Variants in CAMK2B observed in about 807,000 individuals in gnomAD.
CAMK2B encodes calcium/calmodulin-dependent protein kinase type II subunit beta.
Under a neutral mutation model 93.7 loss-of-function variants are expected in CAMK2B, and 27 were observed. That is an observed-to-expected ratio of 0.29 (90% CI 0.21 to 0.40). The LOEUF is 0.40. Ranked by LOEUF, CAMK2B falls within the 10% of genes least tolerant of loss-of-function variation. The probability of loss-of-function intolerance (pLI) is 1.00; values close to 1 mark genes in which losing one functional copy is unlikely to be tolerated. For synonymous variants in CAMK2B, 374 were observed against 358.8 expected (o/e 1.04, Z -0.48); for missense variants, 568 against 895.8 (o/e 0.63, Z 4.67).
intron 3 of CAMK2B, among the ~76,000 whole-genome samples, chr7:44,262,549 C>T (rs977341012): frequency 6.6e-6 from 1 of 152,208 alleles, no homozygotes; most frequent in Admixed American, 6.5e-5. Context: ...CATCTTGTGG[C>T]TTTTCTTGAG....
chr7:44,237,597 G>C (rs2096638571), intron 13 of CAMK2B, among the ~76,000 whole-genome samples: 1 of 152,196 alleles, frequency 6.6e-6, no homozygotes, highest in African/African-American at 2.4e-5. Flanking sequence ...ACCATTTTTT[G>C]GGGGGCTGCT....
chr7:44,219,344 G>GTTTTTTTTTTTT lies in CAMK2B; in HGVS notation c.*169_*180dup, dbSNP rs59312365. 8 of 35,184 alleles carry GTTTTTTTTTTTT rather than the reference G, an allele frequency of 2.3e-4. No homozygotes were observed. Among genetic ancestry groups the GTTTTTTTTTTTT allele is most frequent in the African/African-American group, 3.1e-4 (3 of 9,578 alleles). The allele number at this position is 35,184 out of a possible 1,614,324, so 2.2% of individuals were successfully genotyped here. A position where few individuals can be genotyped will look rare whatever the true frequency, so the allele number is the denominator to read the frequency against. On this transcript the variant is annotated 3_prime_UTR_variant, in exon 24 of 24. Coordinates refer to ENST00000395749, the MANE Select transcript of CAMK2B (RefSeq NM_001220.5). ...TTTTTGTGGTTGTCGTCGTCATCTT[G>GTTTTTTTTTTTT]TTTTTTTTTTTTTTTTTTTTGTTTT...
At position 44,299,043 on chromosome 7, in the gene CAMK2B, G is replaced by A. The variant is rs1286376807; in HGVS notation, c.66-14818C>T. 5.3e-5 allele frequency among the ~76,000 whole-genome samples: 8 copies of A among 152,054 alleles called. No homozygotes were observed. The South Asian group carries it at 8.3e-4, about 16-fold the overall frequency. Reference sequence around the variant, plus strand: ...TATGATCCAGCAATTCCACTCCAAGGTGGATCCAAAAAAAATGTAAAGCAG... The same window carrying A: ...TATGATCCAGCAATTCCACTCCAAGATGGATCCAAAAAAAATGTAAAGCAG... On this transcript the variant is annotated intron_variant, in intron 1 of 23. Coordinates refer to ENST00000395749, the MANE Select transcript of CAMK2B (RefSeq NM_001220.5).
chr7:44,250,833 A>G (rs1300702330), intron 5 of CAMK2B, among the ~76,000 whole-genome samples: 2 of 152,016 alleles, frequency 1.3e-5, no homozygotes, highest in Non-Finnish European at 2.9e-5. Context: ...TGGCCACCAC[A>G]TTGCTTTTTA....
At chr7:44,316,087 A>T (rs1368193695) in intron 1 of CAMK2B, among the ~76,000 whole-genome samples, 1 of 152,122 alleles carries the variant, frequency 6.6e-6, no homozygotes, top group African/African-American at 2.4e-5. Flanking sequence ...AATCTCCTAT[A>T]CCGTGCTGCC....
intron 3 of CAMK2B, among the ~76,000 whole-genome samples, chr7:44,261,654 A>T (rs994897061): frequency 2.0e-5 from 3 of 152,210 alleles, no homozygotes; most frequent in African/African-American, 7.2e-5. Context: ...TTTAAAAAAA[A>T]ACATTTTTAA....
rs1036302192 is a variant in CAMK2B, at chr7:44,225,772, G to A, written c.1597+744C>T. 6 of 1,289,356 alleles carry A rather than the reference G, an allele frequency of 4.7e-6. No homozygotes were observed. The highest frequency in any genetic ancestry group is 1.1e-4 in the East Asian group (2 of 18,022). The allele number at this position is 1,289,356 out of a possible 1,614,324, so 79.9% of individuals were successfully genotyped here. ...TCCCTCAAGTACTTACCTAGCCACT[G>A]CCCTGCCATGCCGAGCCCGTGGCCC... is the stretch of plus-strand genomic sequence containing the variant. On this transcript the variant is annotated intron_variant, in intron 20 of 23. Coordinates refer to ENST00000395749, the MANE Select transcript of CAMK2B (RefSeq NM_001220.5). The surrounding 1 kb of genome is among the most constrained non-coding windows in gnomAD (Gnocchi z 5.0).
chr7:44,218,769 T>A lies in CAMK2B; in HGVS notation c.*756A>T, dbSNP rs1436667835. The A allele has an allele frequency of 1.3e-5, 2 of 152,286 alleles. No homozygotes were observed. Among genetic ancestry groups the A allele is most frequent in the East Asian group, 3.9e-4 (2 of 5,192 alleles). The allele number at this position is 152,286 out of a possible 1,614,324, so 9.4% of individuals were successfully genotyped here. ...GACCAGAGCTGGAGCCCTGGGTGTG[T>A]AGGGGCATCTCTGAAGGCCTTGGGG... is the stretch of plus-strand genomic sequence containing the variant. On this transcript the variant is annotated 3_prime_UTR_variant, in exon 24 of 24. Transcript: ENST00000395749.
Position 44,224,703 on chromosome 7 carries a change from G to T in CAMK2B, c.1597+1813C>A, listed in dbSNP as rs545521985. On this transcript the variant is annotated intron_variant, in intron 20 of 23. Coordinates refer to ENST00000395749, the MANE Select transcript of CAMK2B (RefSeq NM_001220.5). This position sits in a 1 kb window ranked among gnomAD's most constrained non-coding sequence, Gnocchi z 4.4. The stretch of plus-strand genomic sequence containing the variant: ...CAGAGCCAGAGGTGGCTGCGGGAGG[G>T]AGGGCAGCTGCCCAGGGATCAGGCT... 7.2e-5 allele frequency among the ~76,000 whole-genome samples: 11 copies of T among 152,330 alleles called. No homozygotes were observed. The East Asian group carries it at 2.1e-3, about 29-fold the overall frequency.
intron 3 of CAMK2B, among the ~76,000 whole-genome samples, 196 bp from the exon 4 acceptor site, chr7:44,259,122 C>T (rs1490814562): frequency 6.6e-6 from 1 of 152,174 alleles, no homozygotes. Context: ...GGCCAGCTGG[C>T]CACCCAGCGA....
At chr7:44,281,277 G>A (rs1316843415) in intron 2 of CAMK2B, among the ~76,000 whole-genome samples, 1 of 152,256 alleles carries the variant, frequency 6.6e-6, no homozygotes, top group Non-Finnish European at 1.5e-5. Flanking sequence ...GTCCAGCGGG[G>A]CCACCAGACA....
chr7:44,263,133 C>A, intron 2 of CAMK2B, 69 bp from the exon 3 acceptor site: 1 of 1,459,058 alleles, frequency 6.9e-7, no homozygotes, highest in South Asian at 1.2e-5. Context: ...TCGTCCATGT[C>A]AGGAGAGGCC....
intron 1 of CAMK2B, among the ~76,000 whole-genome samples, chr7:44,317,296 T>C (rs1260750457): frequency 6.6e-6 from 1 of 151,014 alleles, no homozygotes; most frequent in Non-Finnish European, 1.5e-5. Context: ...GGCCCTGTGT[T>C]GTCCAATACT....
rs1411022928 is a variant in CAMK2B at position 44,286,392 on chromosome 7, T to A, written c.66-2167A>T. Among the ~76,000 whole-genome samples the A allele has an allele frequency of 6.6e-6, 1 of 151,972 alleles. No homozygotes were observed. Among genetic ancestry groups the A allele is most frequent in the African/African-American group, 2.4e-5 (1 of 41,346 alleles). On this transcript the variant is annotated intron_variant, in intron 1 of 23. Transcript: ENST00000395749. The surrounding 1 kb of genome is among the most constrained non-coding windows in gnomAD (Gnocchi z 4.0). ...CACACACTGCAGGGTTGACCCTCAG[T>A]AGGAAGTTCAACAGACTGCACATCT...
chr7:44,245,298 C>G (rs1242328661), intron 6 of CAMK2B, among the ~76,000 whole-genome samples: 1 of 152,200 alleles, frequency 6.6e-6, no homozygotes, highest in African/African-American at 2.4e-5. Context: ...GCCCTCTGCT[C>G]TCTACCACCC....
intron 13 of CAMK2B, among the ~76,000 whole-genome samples, chr7:44,237,992 G>A (rs1047647035): frequency 2.6e-5 from 4 of 152,222 alleles, no homozygotes; most frequent in African/African-American, 7.2e-5. Context: ...CTCGACAGAC[G>A]GGGTCTCTCT....
intron 1 of CAMK2B, among the ~76,000 whole-genome samples, chr7:44,294,683 C>G (rs896602932): frequency 6.6e-6 from 1 of 152,210 alleles, no homozygotes; most frequent in Non-Finnish European, 1.5e-5. Context: ...CCAAAGTGCA[C>G]CCAGGCCAGC....
intron 1 of CAMK2B, among the ~76,000 whole-genome samples, chr7:44,299,405 G>A (rs747437769): frequency 1.9e-4 from 29 of 152,294 alleles, no homozygotes; most frequent in Non-Finnish European, 4.0e-4. Flanking sequence ...AGTTTTTAGT[G>A]GGTACAGAGT....
intron 1 of CAMK2B, among the ~76,000 whole-genome samples, chr7:44,295,480 T>C (rs1788043334): frequency 6.6e-6 from 1 of 152,228 alleles, no homozygotes; most frequent in Non-Finnish European, 1.5e-5. Flanking sequence ...GAAACCTCCA[T>C]GGAACCAGTG....
Sources: allele counts gnomAD v4.1 joint callset (sites outside exome capture counted in the v4.1 genomes callset), GRCh38; gene constraint gnomAD v4.1.1; non-coding constraint Gnocchi (gnomAD v3.1); transcripts MANE v1.5; gene names NCBI Gene and HGNC (gene_info 2026-07-23, HGNC 2026-07-21).